Variants in CALN1 observed in about 807,000 individuals in gnomAD.
The protein encoded by CALN1 is calcium-binding protein 8.
CALN1 carries 17 observed loss-of-function variants against 30.6 expected under a neutral mutation model. The observed-to-expected ratio is 0.56, with a 90% CI of 0.38 to 0.83. CALN1 has a LOEUF of 0.83. Ranked by LOEUF, CALN1 falls within the 40% of genes least tolerant of loss-of-function variation. The pLI is 0.00. For missense variants in CALN1, 291 were observed against 354.9 expected, an observed-to-expected ratio of 0.82 and a Z score of 1.45; for synonymous variants, 156 against 131.4, an observed-to-expected ratio of 1.19 and a Z score of -1.28.
At chr7:71,968,727 G>A (rs537199953) in intron 5 of CALN1, among the ~76,000 whole-genome samples, 13 of 150,466 alleles carry the variant, frequency 8.6e-5, no homozygotes, top group African/African-American at 3.2e-4. Flanking sequence ...GTGCTAGTTA[G>A]ATGAGTGCAT....
intron 3 of CALN1, among the ~76,000 whole-genome samples, chr7:72,135,214 A>C (rs2107729): frequency 0.27 from 41,461 of 152,126 alleles, 6,348 homozygotes; most frequent in Non-Finnish European, 0.35. Context: ...ACTCCTGTTA[A>C]ATGTTGATAT....
At chr7:72,323,410 T>C (rs979651307) in intron 2 of CALN1, among the ~76,000 whole-genome samples, 4 of 152,112 alleles carry the variant, frequency 2.6e-5, no homozygotes, top group African/African-American at 9.7e-5. Context: ...TGGCTGCAGC[T>C]TGTTGGAAAT....
chr7:72,050,499 C>T (rs985076424), intron 4 of CALN1, among the ~76,000 whole-genome samples: 4 of 151,992 alleles, frequency 2.6e-5, no homozygotes, highest in African/African-American at 7.3e-5. Flanking sequence ...CTACTCAAAC[C>T]CAAAGAAACT....
intron 3 of CALN1, among the ~76,000 whole-genome samples, chr7:72,177,546 C>T (rs1789446375): frequency 6.6e-6 from 1 of 152,074 alleles, no homozygotes; most frequent in African/African-American, 2.4e-5. Flanking sequence ...GGGCGGATCA[C>T]TTGAAGTCAG....
chr7:72,441,619 A>G (rs1011766327), intron 1 of CALN1, among the ~76,000 whole-genome samples: 7 of 135,258 alleles, frequency 5.2e-5, no homozygotes, highest in African/African-American at 1.4e-4. Context: ...AAAAAAAAAA[A>G]AAGTTGGGAG....
chr7:72,343,138 G>A (rs761201456), intron 2 of CALN1, among the ~76,000 whole-genome samples: 1 of 152,188 alleles, frequency 6.6e-6, no homozygotes, highest in Non-Finnish European at 1.5e-5. Flanking sequence ...GACTATTAAT[G>A]AGAGTTGCAA....
chr7:72,295,895 A>G (rs1012799693), intron 2 of CALN1, among the ~76,000 whole-genome samples: 6 of 151,840 alleles, frequency 4.0e-5, no homozygotes, highest in South Asian at 4.2e-4. Context: ...AACTTCCAAC[A>G]CTATGTTGAA....
chr7:72,025,635 G>A (rs928182046), intron 4 of CALN1, among the ~76,000 whole-genome samples: 1 of 152,096 alleles, frequency 6.6e-6, no homozygotes, highest in African/African-American at 2.4e-5. Context: ...TCCTCCAGGA[G>A]TCATCAGTGT....
In CALN1 at chr7:71,821,788, CTTTT is replaced by C. The variant is rs775510268; in HGVS notation, c.502-11300_502-11297del. Among the ~76,000 whole-genome samples the C allele has an allele frequency of 1.9e-4, 18 of 95,772 alleles. 1 individual carries two copies. The highest frequency in any genetic ancestry group is 2.1e-4 in the Non-Finnish European group (11 of 51,994). The allele number at this position is 95,772 out of a possible 152,430, so 62.8% of individuals were successfully genotyped here. ...TGTGAATTCTGCTAAATGTTTCTTT[CTTTT>C]TTTTTTTTTTTTTGAGTCAGGGTCT... On this transcript the variant is annotated intron_variant, in intron 5 of 6. Transcript: ENST00000395275.
In CALN1 at chr7:71,787,754, A is replaced by T; in HGVS notation, c.*21T>A. 2.5e-6 allele frequency: 4 copies of T among 1,613,068 alleles called. No individual in the cohort carries two copies. The highest frequency in any genetic ancestry group is 3.4e-6 in the Non-Finnish European group (4 of 1,179,780). ...GCACATGCGCGGTGAGCTGCAACACAGTGTGGCTGGCGGGAGGCTGCTACT... is the reference window on the plus strand; with the variant it reads ...GCACATGCGCGGTGAGCTGCAACACTGTGTGGCTGGCGGGAGGCTGCTACT... On this transcript the variant is annotated 3_prime_UTR_variant, in exon 7 of 7. Transcript: ENST00000395275.
chr7:72,221,312 C>CTTTT (rs1174615183), intron 3 of CALN1, among the ~76,000 whole-genome samples: 147 of 88,932 alleles, frequency 1.7e-3, no homozygotes, highest in East Asian at 3.9e-3. Flanking sequence ...GTCTTGGCTT[C>CTTTT]TTTTTTTTTT....
intron 5 of CALN1, among the ~76,000 whole-genome samples, chr7:71,954,221 A>G (rs1161893890): frequency 6.6e-6 from 1 of 152,064 alleles, no homozygotes; most frequent in African/African-American, 2.4e-5. Context: ...GCGCTTTGGG[A>G]GGCCGAGGGG....
intron 5 of CALN1, among the ~76,000 whole-genome samples, chr7:71,866,056 A>G (rs1473948027): frequency 6.6e-6 from 1 of 151,478 alleles, no homozygotes; most frequent in Non-Finnish European, 1.5e-5. Context: ...CCCAGGTTGG[A>G]GTGCAGTGGC....
chr7:71,820,991 G>A (rs1360386921), intron 5 of CALN1, among the ~76,000 whole-genome samples: 1 of 152,152 alleles, frequency 6.6e-6, no homozygotes, highest in African/African-American at 2.4e-5. Flanking sequence ...TGGGTTTTAC[G>A]TTCAGCTGAA....
intron 3 of CALN1, among the ~76,000 whole-genome samples, chr7:72,214,974 G>T (rs945017975): frequency 3.3e-5 from 5 of 151,608 alleles, no homozygotes. Flanking sequence ...GGCTCCCACT[G>T]ATTCTACATG....
At chr7:72,435,625 C>T (rs7796874) in intron 1 of CALN1, among the ~76,000 whole-genome samples, 3,643 of 152,258 alleles carry the variant, frequency 0.024, 160 homozygotes, top group African/African-American at 0.083. Flanking sequence ...AATTTGTGAA[C>T]GTGCTGTCCC....
At chr7:72,329,096 ATTG>A (rs1285167499) in intron 2 of CALN1, among the ~76,000 whole-genome samples, 2 of 152,242 alleles carry the variant, frequency 1.3e-5, no homozygotes, top group Non-Finnish European at 2.9e-5. Context: ...TTGGACAAGC[ATTG>A]TTAACATTTT....
intron 5 of CALN1, among the ~76,000 whole-genome samples, chr7:71,906,530 CTCAT>C (rs1794145093): frequency 6.6e-6 from 1 of 152,094 alleles, no homozygotes; most frequent in Non-Finnish European, 1.5e-5. Context: ...CTTGGACGGG[CTCAT>C]TCATTGACAA....
chr7:72,464,847 C>T, the CALN1 span, among the ~76,000 whole-genome samples: 1 of 152,160 alleles, frequency 6.6e-6, no homozygotes, highest in South Asian at 2.1e-4. Flanking sequence ...AACCAGAAAC[C>T]ACCAGTGCCC....
Sources: gnomAD v4.1 joint callset for allele counts (sites outside exome capture counted in the v4.1 genomes callset) on GRCh38, gnomAD v4.1.1 for gene constraint, MANE v1.5 for transcripts, NCBI Gene and HGNC (gene_info 2026-07-23, HGNC 2026-07-21) for gene names.